Variants in WLS observed in about 807,000 individuals in gnomAD.
WLS encodes the protein Wnt ligand secretion mediator, also known as protein wntless homolog.
WLS carries 23 observed loss-of-function variants against 62.8 expected under a neutral mutation model. That is an observed-to-expected ratio of 0.37 (90% CI 0.26 to 0.52). The LOEUF (loss-of-function observed/expected upper bound fraction) is 0.52, where lower values mean the gene tolerates loss of function less well. WLS is among the 20% of genes least tolerant of loss of function. The pLI, the probability that WLS is intolerant of heterozygous loss-of-function variation, is 0.92. For synonymous variants in WLS, 246 were observed against 244.1 expected, an observed-to-expected ratio of 1.01 and a Z score of -0.07; for missense variants, 615 against 697.3, an observed-to-expected ratio of 0.88 and a Z score of 1.33.
intron 2 of WLS, among the ~76,000 whole-genome samples, chr1:68,182,158 A>G (rs1480861519): frequency 6.6e-6 from 1 of 152,260 alleles, no homozygotes. Context: ...AACTATAGAT[A>G]CTAATTTTAA....
intron 1 of WLS, among the ~76,000 whole-genome samples, chr1:68,195,240 G>A (rs1216893034): frequency 6.6e-6 from 1 of 152,120 alleles, no homozygotes; most frequent in African/African-American, 2.4e-5. Flanking sequence ...CTCTGGAGGC[G>A]ACCTGTCTGG....
At chr1:68,196,037 C>T (rs545753945) in intron 1 of WLS, among the ~76,000 whole-genome samples, 2 of 151,812 alleles carry the variant, frequency 1.3e-5, no homozygotes. Flanking sequence ...CACAACATTG[C>T]TTTGAATTTT....
intron 7 of WLS, 80 bp from the exon 8 acceptor site, chr1:68,148,279 C>T: frequency 6.8e-7 from 1 of 1,462,128 alleles, no homozygotes; most frequent in Non-Finnish European, 9.6e-7. Flanking sequence ...ATATTCTTAG[C>T]TTTTCAGCTG....
intron 2 of WLS, among the ~76,000 whole-genome samples, chr1:68,176,112 T>G (rs972905358): frequency 3.9e-5 from 6 of 152,294 alleles, no homozygotes; most frequent in African/African-American, 1.4e-4. Context: ...TGGCTGGTGG[T>G]TCCTGACCTC....
intron 3 of WLS, among the ~76,000 whole-genome samples, chr1:68,157,877 A>G (rs1443288379): frequency 1.3e-5 from 2 of 152,200 alleles, no homozygotes; most frequent in Non-Finnish European, 2.9e-5. Flanking sequence ...AAAATTCTGT[A>G]TCCGAAAGCC....
chr1:68,169,134 A>G (rs987885870), intron 2 of WLS, among the ~76,000 whole-genome samples: 2 of 152,252 alleles, frequency 1.3e-5, no homozygotes, highest in Admixed American at 1.3e-4. Flanking sequence ...ACATATTTCT[A>G]AGCATTGCAA....
At chr1:68,176,696 T>G (rs1647273927) in intron 2 of WLS, among the ~76,000 whole-genome samples, 1 of 152,368 alleles carries the variant, frequency 6.6e-6, no homozygotes, top group African/African-American at 2.4e-5. Context: ...TTTGCACATA[T>G]GTTATTTCAG....
rs139921734 is a variant in WLS, at chr1:68,181,628, G to C, written c.379+12327C>G. On this transcript the variant is annotated intron_variant, in intron 2 of 11. Transcript: ENST00000262348. ...GTAGAAGGCTGACTCACCTGTATGG[G>C]GTGGTGCACGTGTTGTTAGGTACCA... Among the ~76,000 whole-genome samples the C allele has an allele frequency of 2.0e-5, 3 of 152,232 alleles. No individual in the cohort carries two copies. The East Asian group carries it at 5.8e-4, about 29-fold the overall frequency.
chr1:68,156,583 C>A (rs1646903095), intron 3 of WLS, among the ~76,000 whole-genome samples: 1 of 152,130 alleles, frequency 6.6e-6, no homozygotes, highest in African/African-American at 2.4e-5. Context: ...TCTTGCCCAC[C>A]ACGGCACACA....
At chr1:68,232,130 G>T in intron 1 of WLS, 64 bp downstream of exon 1, 1 of 1,604,794 alleles carries the variant, frequency 6.2e-7, no homozygotes, top group Non-Finnish European at 8.5e-7. Flanking sequence ...TAGCCCAAGA[G>T]GCAAAGAGGG....
At chr1:68,101,643 A>T (rs1385833558) in intron 11 of WLS, among the ~76,000 whole-genome samples, 1 of 152,238 alleles carries the variant, frequency 6.6e-6, no homozygotes, top group East Asian at 1.9e-4. Context: ...ATAATATAAG[A>T]CAGGGCTTGG....
intron 11 of WLS, among the ~76,000 whole-genome samples, chr1:68,107,463 A>G (rs1646163475): frequency 6.6e-6 from 1 of 152,216 alleles, no homozygotes; most frequent in Non-Finnish European, 1.5e-5. Context: ...CAACTCTGCC[A>G]CTTACTAGCC....
At chr1:68,193,899 C>G in intron 2 of WLS, 56 bp downstream of exon 2, 1 of 1,560,204 alleles carries the variant, frequency 6.4e-7, no homozygotes, top group Non-Finnish European at 8.7e-7. Context: ...TCAAAAAGAA[C>G]CCAAAGAGGG....
intron 11 of WLS, chr1:68,099,585 T>A (rs547224807): frequency 6.6e-6 from 1 of 152,324 alleles, no homozygotes; most frequent in Non-Finnish European, 1.5e-5. Context: ...ACCATTTGCA[T>A]GCAACCTATG....
At chr1:68,162,576 G>A in intron 2 of WLS, 1 of 1,535,736 alleles carries the variant, frequency 6.5e-7, no homozygotes, top group Non-Finnish European at 9.0e-7. Flanking sequence ...CCGATCCCGA[G>A]GCCAACTCGC....
At chr1:68,149,086 C>A (rs1646791589) in intron 6 of WLS, among the ~76,000 whole-genome samples, 1 of 152,164 alleles carries the variant, frequency 6.6e-6, no homozygotes, top group South Asian at 2.1e-4. Flanking sequence ...TAAAGTGTGT[C>A]TATTATGGTG....
chr1:68,221,734 C>T (rs1475447121), intron 1 of WLS, among the ~76,000 whole-genome samples: 1 of 152,138 alleles, frequency 6.6e-6, no homozygotes, highest in Non-Finnish European at 1.5e-5. Flanking sequence ...ACTTAAAAGT[C>T]AAGATTTATT....
intron 2 of WLS, among the ~76,000 whole-genome samples, chr1:68,191,716 C>T (rs1648315241): frequency 6.6e-6 from 1 of 152,118 alleles, no homozygotes; most frequent in East Asian, 1.9e-4. Context: ...AGTCAATAAG[C>T]AAGAGTTTAG....
At chr1:68,162,714 G>A (rs1646997813) in intron 2 of WLS, 6 of 1,194,430 alleles carry the variant, frequency 5.0e-6, no homozygotes, top group Non-Finnish European at 6.2e-6. Context: ...CTGCAGACGG[G>A]ATATTGCACA....
Sources: allele counts gnomAD v4.1 joint callset (sites outside exome capture counted in the v4.1 genomes callset), GRCh38; gene constraint gnomAD v4.1.1; transcripts MANE v1.5; gene names NCBI Gene and HGNC (gene_info 2026-07-23, HGNC 2026-07-21).